The following BCKDHB variants were observed in gnomAD, a reference collection of about 807,000 sequenced individuals.
BCKDHB encodes the protein 2-oxoisovalerate dehydrogenase subunit beta, mitochondrial.
A neutral mutation model predicts 48.5 loss-of-function variants in BCKDHB; 41 were observed. That is an observed-to-expected ratio of 0.85 (90% CI 0.66 to 1.10). BCKDHB has a LOEUF of 1.10. BCKDHB is among the 50% of genes least tolerant of loss of function. The pLI, the probability that BCKDHB is intolerant of heterozygous loss-of-function variation, is 0.00. For missense variants in BCKDHB, 496 were observed against 494.2 expected (o/e 1.00, Z -0.03); for synonymous variants, 201 against 174.8 (o/e 1.15, Z -1.18).
chr6:80,221,675 TAGC>T (rs1304290503), intron 8 of BCKDHB, among the ~76,000 whole-genome samples: 3 of 152,222 alleles, frequency 2.0e-5, no homozygotes, highest in Non-Finnish European at 4.4e-5. Flanking sequence ...AAAAAAATGA[TAGC>T]AGACATTAAA....
At chr6:80,440,625 T>C in the BCKDHB span, 1 of 152,044 alleles carries the variant, frequency 6.6e-6, no homozygotes, top group East Asian at 1.9e-4. Context: ...ACATTTTTTT[T>C]TTTTTTTCTG....
chr6:80,370,989 C>A, the BCKDHB span, among the ~76,000 whole-genome samples: 1 of 152,096 alleles, frequency 6.6e-6, no homozygotes, highest in East Asian at 1.9e-4. Context: ...ACTTCTTTTC[C>A]TCTGGGTAGA....
the BCKDHB span, among the ~76,000 whole-genome samples, chr6:80,376,284 G>T: frequency 2.0e-5 from 3 of 152,032 alleles, no homozygotes; most frequent in African/African-American, 2.4e-5. Flanking sequence ...CCAGGGAAGT[G>T]GGGGAAAGCT....
intron 8 of BCKDHB, among the ~76,000 whole-genome samples, chr6:80,252,853 C>CA (rs1302587822): frequency 6.6e-6 from 1 of 152,036 alleles, no homozygotes; most frequent in African/African-American, 2.4e-5. Context: ...AAACAAAAGT[C>CA]AGTTAAATAG....
chr6:80,337,770 A>G (rs1481023704), intron 9 of BCKDHB, among the ~76,000 whole-genome samples: 1 of 152,158 alleles, frequency 6.6e-6, no homozygotes, highest in Non-Finnish European at 1.5e-5. Flanking sequence ...CTACTTGGAA[A>G]TTAAGTTGTG....
Position 80,106,889 on chromosome 6 carries a change from G to T in BCKDHB, c.196G>T (p.Gly66Trp), listed in dbSNP as rs1328608014. ...GCCAGATCCGGAGCCCCGGGAGTAC[G>T]GTGAGCCCTGGGACTGCCCACTCGG... is the stretch of plus-strand genomic sequence containing the variant. ...FQPDPEPREY[G>W]QTQKMNLFQS... The change falls in exon 1 of 10, where the codon GGG becomes TGG. Residue 66 changes from glycine to tryptophan, a missense_variant and splice_region_variant. By Grantham distance (184) the Gly-to-Trp change is radical (BLOSUM62 -2). Coordinates refer to ENST00000320393, the MANE Select transcript of BCKDHB (RefSeq NM_183050.4). The T allele has an allele frequency of 1.2e-6, 2 of 1,602,610 alleles. No homozygotes were observed. The highest frequency in any genetic ancestry group is 1.3e-5 in the African/African-American group (1 of 74,804).
chr6:80,381,582 T>C, the BCKDHB span, among the ~76,000 whole-genome samples: 1 of 152,236 alleles, frequency 6.6e-6, no homozygotes, highest in Non-Finnish European at 1.5e-5. Flanking sequence ...TTTATCTGCA[T>C]TGAGATGTCG....
chr6:80,125,557 T>TA (rs1181654102), intron 1 of BCKDHB, among the ~76,000 whole-genome samples: 2 of 152,174 alleles, frequency 1.3e-5, no homozygotes, highest in African/African-American at 4.8e-5. Context: ...ATTTCTAACT[T>TA]ACGATTTAAA....
the BCKDHB span, among the ~76,000 whole-genome samples, chr6:80,378,157 G>T: frequency 6.6e-6 from 1 of 152,072 alleles, no homozygotes; most frequent in Non-Finnish European, 1.5e-5. Flanking sequence ...GGTACTATGT[G>T]CATAATGGTT....
intron 6 of BCKDHB, among the ~76,000 whole-genome samples, chr6:80,176,714 G>A (rs1448629893): frequency 6.6e-6 from 1 of 152,138 alleles, no homozygotes; most frequent in Non-Finnish European, 1.5e-5. Flanking sequence ...AAGCACTTAA[G>A]CAGATAATTA....
intron 9 of BCKDHB, among the ~76,000 whole-genome samples, chr6:80,331,745 A>C (rs1769325149): frequency 6.6e-6 from 1 of 152,232 alleles, no homozygotes; most frequent in Non-Finnish European, 1.5e-5. Context: ...TGTGTTTAAC[A>C]GTTATCAGTT....
At chr6:80,223,500 T>G (rs1180608824) in intron 8 of BCKDHB, among the ~76,000 whole-genome samples, 2 of 152,184 alleles carry the variant, frequency 1.3e-5, no homozygotes, top group Non-Finnish European at 2.9e-5. Context: ...AAATGACCCC[T>G]TTCTCTTGGC....
At chr6:80,387,362 C>T in the BCKDHB span, among the ~76,000 whole-genome samples, 3 of 67,838 alleles carry the variant, frequency 4.4e-5, no homozygotes, top group African/African-American at 7.3e-5. Flanking sequence ...GTTGCCTCTA[C>T]CTAGAAAAAA....
chr6:80,217,984 G>A (rs1775248309), intron 8 of BCKDHB, among the ~76,000 whole-genome samples: 1 of 152,206 alleles, frequency 6.6e-6, no homozygotes, highest in Admixed American at 6.5e-5. Context: ...GGGCCAGCCT[G>A]AGCCAAGAGA....
intron 9 of BCKDHB, among the ~76,000 whole-genome samples, chr6:80,282,559 A>C (rs1766390110): frequency 6.6e-6 from 1 of 152,188 alleles, no homozygotes; most frequent in Non-Finnish European, 1.5e-5. Context: ...GATGAATGTT[A>C]TGGATTTATC....
intron 9 of BCKDHB, among the ~76,000 whole-genome samples, chr6:80,297,899 C>A (rs2127989367): frequency 6.6e-6 from 1 of 152,254 alleles, no homozygotes; most frequent in East Asian, 1.9e-4. Context: ...CAGTGCAAAA[C>A]AGAACAGAGC....
intron 1 of BCKDHB, among the ~76,000 whole-genome samples, chr6:80,119,231 A>C (rs1037552934): frequency 1.1e-4 from 17 of 152,172 alleles, no homozygotes; most frequent in Non-Finnish European, 1.8e-4. Flanking sequence ...TTGCAAAAAA[A>C]ATAAAATGAA....
At chr6:80,337,465 G>T (rs1769651729) in intron 9 of BCKDHB, among the ~76,000 whole-genome samples, 2 of 151,926 alleles carry the variant, frequency 1.3e-5, no homozygotes, top group South Asian at 4.1e-4. Flanking sequence ...AGGACTAAAT[G>T]GTGTTCCAAT....
chr6:80,325,511 T>C (rs1768988406), intron 9 of BCKDHB, among the ~76,000 whole-genome samples: 1 of 152,212 alleles, frequency 6.6e-6, no homozygotes, highest in Non-Finnish European at 1.5e-5. Context: ...TGAAATAAAA[T>C]AGTTAACAGT....
Sources: gnomAD v4.1 joint callset for allele counts (sites outside exome capture counted in the v4.1 genomes callset) on GRCh38, gnomAD v4.1.1 for gene constraint, MANE v1.5 for transcripts, NCBI Gene and HGNC (gene_info 2026-07-23, HGNC 2026-07-21) for gene names.